ST6GALNAC3: variants seen among roughly 807,000 people sequenced by gnomAD.
ST6GALNAC3 encodes the protein ST6 N-acetylgalactosaminide alpha-2,6-sialyltransferase 3, also known as alpha-N-acetylgalactosaminide alpha-2,6-sialyltransferase 3.
A neutral mutation model predicts 32.7 loss-of-function variants in ST6GALNAC3; 25 were observed. The ratio of observed to expected loss-of-function variants is 0.76; its 90% confidence interval spans 0.56 to 1.07. The LOEUF is 1.07. Ranked by LOEUF, ST6GALNAC3 falls within the 50% of genes least tolerant of loss-of-function variation. The pLI, the probability that ST6GALNAC3 is intolerant of heterozygous loss-of-function variation, is 0.00. For missense variants in ST6GALNAC3, 355 were observed against 382.4 expected (o/e 0.93, Z 0.60); for synonymous variants, 129 against 133.1 (o/e 0.97, Z 0.21).
intron 2 of ST6GALNAC3, among the ~76,000 whole-genome samples, chr1:76,393,047 C>T (rs1291233630): frequency 6.6e-6 from 1 of 152,166 alleles, no homozygotes; most frequent in Non-Finnish European, 1.5e-5. Context: ...TCCCCAAACC[C>T]CTACCAATTT....
At chr1:76,287,094 A>T (rs1398127392) in intron 1 of ST6GALNAC3, among the ~76,000 whole-genome samples, 2 of 152,248 alleles carry the variant, frequency 1.3e-5, no homozygotes, top group African/African-American at 4.8e-5. Context: ...TTAAAACTAG[A>T]ACTAGCTCAG....
chr1:76,245,113 T>C (rs1302860743), intron 1 of ST6GALNAC3, among the ~76,000 whole-genome samples: 1 of 152,178 alleles, frequency 6.6e-6, no homozygotes, highest in Non-Finnish European at 1.5e-5. Context: ...TTTCAGAACT[T>C]GTTATTGGTG....
At chr1:76,129,476 A>G (rs1649471162) in intron 1 of ST6GALNAC3, among the ~76,000 whole-genome samples, 1 of 152,110 alleles carries the variant, frequency 6.6e-6, no homozygotes, top group African/African-American at 2.4e-5. Context: ...GTGCAGTGTC[A>G]AGAGTCCAAA....
intron 3 of ST6GALNAC3, among the ~76,000 whole-genome samples, chr1:76,486,489 T>C (rs1052018715): frequency 2.3e-4 from 35 of 152,242 alleles, no homozygotes; most frequent in African/African-American, 8.2e-4. Context: ...TGGCCTTCTT[T>C]GTCTCTTTTC....
chr1:76,191,202 C>G (rs1261824950), intron 1 of ST6GALNAC3, among the ~76,000 whole-genome samples: 3 of 151,986 alleles, frequency 2.0e-5, no homozygotes, highest in Non-Finnish European at 4.4e-5. Context: ...TTTAGACAAG[C>G]CTTGAGCATG....
chr1:76,164,590 T>C (rs929012275), intron 1 of ST6GALNAC3, among the ~76,000 whole-genome samples: 1 of 152,196 alleles, frequency 6.6e-6, no homozygotes, highest in Non-Finnish European at 1.5e-5. Flanking sequence ...AGTCCAGTGA[T>C]TACTTGGTTG....
intron 3 of ST6GALNAC3, among the ~76,000 whole-genome samples, chr1:76,546,119 C>A (rs184965657): frequency 8.2e-4 from 125 of 152,178 alleles, no homozygotes; most frequent in Non-Finnish European, 1.7e-3. Context: ...GTGCTTGGCA[C>A]ATTTAAGGCA....
rs373176251 is a variant in ST6GALNAC3, at chr1:76,265,770, A to G, written c.19-48035A>G. On this transcript the variant is annotated intron_variant, in intron 1 of 4. Coordinates refer to ENST00000328299, the MANE Select transcript of ST6GALNAC3 (RefSeq NM_152996.4). ...AATGAATATATAAAATCTCAAGCTT[A>G]GGGTCTAGAACGTAGTATTTTTTCA... Among the ~76,000 whole-genome samples, 309 of 152,328 alleles carry G rather than the reference A, an allele frequency of 2.0e-3. 1 individual carries two copies. Among genetic ancestry groups the G allele is most frequent in the South Asian group, 8.5e-3 (41 of 4,828 alleles).
At chr1:76,169,017 C>A (rs1168964669) in intron 1 of ST6GALNAC3, among the ~76,000 whole-genome samples, 1 of 152,074 alleles carries the variant, frequency 6.6e-6, no homozygotes, top group African/African-American at 2.4e-5. Flanking sequence ...GGTTATTTTG[C>A]AGACTTGTTT....
intron 3 of ST6GALNAC3, among the ~76,000 whole-genome samples, chr1:76,479,113 G>T (rs188550173): frequency 6.6e-6 from 1 of 151,944 alleles, no homozygotes. Flanking sequence ...GCTTAACCTG[G>T]TATTATAGAG....
At chr1:76,136,210 G>C (rs1272083222) in intron 1 of ST6GALNAC3, among the ~76,000 whole-genome samples, 1 of 152,114 alleles carries the variant, frequency 6.6e-6, no homozygotes, top group Non-Finnish European at 1.5e-5. Context: ...AAATTCAAAG[G>C]GTTTACTAAA....
rs544608905 is a variant in ST6GALNAC3 at position 76,188,130 on chromosome 1, G to A, written c.18+113246G>A. Among the ~76,000 whole-genome samples the A allele has an allele frequency of 3.4e-3, 514 of 152,238 alleles. 3 individuals are homozygous for A. The highest frequency in any genetic ancestry group is 5.8e-3 in the Non-Finnish European group (397 of 67,996). On this transcript the variant is annotated intron_variant, in intron 1 of 4. Transcript: ENST00000328299. ...TGTAAGCCCAGCACTTTGGGAGGCCGAGGTGGGTGGATCACGAGGTCAGGA... is the reference window on the plus strand; with the variant it reads ...TGTAAGCCCAGCACTTTGGGAGGCCAAGGTGGGTGGATCACGAGGTCAGGA...
At chr1:76,250,215 T>C (rs1657531531) in intron 1 of ST6GALNAC3, among the ~76,000 whole-genome samples, 1 of 152,206 alleles carries the variant, frequency 6.6e-6, no homozygotes, top group African/African-American at 2.4e-5. Context: ...AAAACACATA[T>C]ACATAAAATA....
intron 1 of ST6GALNAC3, among the ~76,000 whole-genome samples, chr1:76,257,518 A>G (rs938985302): frequency 6.6e-6 from 1 of 152,170 alleles, no homozygotes; most frequent in Non-Finnish European, 1.5e-5. Flanking sequence ...TTTGAAAAGC[A>G]CTAAGTTTGG....
intron 1 of ST6GALNAC3, among the ~76,000 whole-genome samples, chr1:76,120,121 C>A (rs1648771892): frequency 6.6e-6 from 1 of 152,250 alleles, no homozygotes; most frequent in Admixed American, 6.5e-5. Flanking sequence ...TCCAAAGTCA[C>A]TGACCATTTA....
chr1:76,474,585 G>A (rs555614268), intron 3 of ST6GALNAC3, among the ~76,000 whole-genome samples: 36 of 152,272 alleles, frequency 2.4e-4, no homozygotes, highest in Middle Eastern at 3.4e-3. Flanking sequence ...TAAGCAGCTG[G>A]AGATACAGAC....
At chr1:76,599,992 T>C (rs1033622156) in intron 3 of ST6GALNAC3, among the ~76,000 whole-genome samples, 2 of 152,160 alleles carry the variant, frequency 1.3e-5, no homozygotes, top group Admixed American at 1.3e-4. Flanking sequence ...TTAAGATAGA[T>C]GTTACGGACT....
intron 3 of ST6GALNAC3, among the ~76,000 whole-genome samples, chr1:76,445,483 A>C (rs1656907534): frequency 6.6e-6 from 1 of 152,210 alleles, no homozygotes; most frequent in Admixed American, 6.5e-5. Context: ...TATGTGTTGA[A>C]TTAGAAGTTG....
intron 3 of ST6GALNAC3, among the ~76,000 whole-genome samples, chr1:76,539,374 A>G (rs1048267773): frequency 2.6e-5 from 4 of 152,248 alleles, no homozygotes; most frequent in African/African-American, 9.6e-5. Context: ...CTCAAGATGG[A>G]TTAAAGACTT....
Sources: allele counts gnomAD v4.1 joint callset (sites outside exome capture counted in the v4.1 genomes callset), GRCh38; gene constraint gnomAD v4.1.1; transcripts MANE v1.5; gene names NCBI Gene and HGNC (gene_info 2026-07-23, HGNC 2026-07-21).